The following SLC9A7 variants were observed in gnomAD, a reference collection of about 807,000 sequenced individuals.
The protein encoded by SLC9A7 is sodium/hydrogen exchanger 7.
SLC9A7 carries 19 observed loss-of-function variants against 52.6 expected under a neutral mutation model. The ratio of observed to expected loss-of-function variants is 0.36; its 90% confidence interval spans 0.25 to 0.53. SLC9A7 has a LOEUF of 0.53. Among genes scored for constraint, SLC9A7 ranks in the 20% least tolerant of loss-of-function variants. The pLI is 0.91. For missense variants in SLC9A7, 455 were observed against 597.9 expected (o/e 0.76, Z 2.49); for synonymous variants, 226 against 252.1 (o/e 0.90, Z 0.98).
Position 46,695,171 on chromosome X carries a change from CAT to C in SLC9A7, c.326-12638_326-12637del, listed in dbSNP as rs779573527. On this transcript the variant is annotated intron_variant, in intron 1 of 16. Coordinates refer to ENST00000616978, the MANE Select transcript of SLC9A7 (RefSeq NM_001257291.2). The stretch of plus-strand genomic sequence containing the variant: ...TACCAAAAATCACTGAAATTGTATA[CAT>C]GAGTGCATTTTATGATATGTAAATT... Among the ~76,000 whole-genome samples, 228 of 112,393 alleles carry C rather than the reference CAT, an allele frequency of 2.0e-3. 1 individual carries two copies. Among genetic ancestry groups the C allele is most frequent in the African/African-American group, 7.0e-3 (218 of 30,989 alleles).
chrX:46,619,634 C>T (rs1943009585), intron 15 of SLC9A7, among the ~76,000 whole-genome samples: 1 of 110,586 alleles, frequency 9.0e-6, no homozygotes. Flanking sequence ...ACAGGTAAAA[C>T]TATTAAGTGT....
chrX:46,740,591 T>C (rs971210654), intron 1 of SLC9A7, among the ~76,000 whole-genome samples: 1 of 111,346 alleles, frequency 9.0e-6, no homozygotes, highest in Non-Finnish European at 1.9e-5. Context: ...ATATATACAT[T>C]GTATATGTAT....
At chrX:46,684,183 A>G (rs1007617383) in intron 1 of SLC9A7, among the ~76,000 whole-genome samples, 1 of 112,120 alleles carries the variant, frequency 8.9e-6, no homozygotes, top group African/African-American at 3.2e-5. Context: ...AAAGGCATAT[A>G]AGAAAAACCA....
intron 15 of SLC9A7, among the ~76,000 whole-genome samples, chrX:46,618,165 A>G (rs1170950683): frequency 9.0e-6 from 1 of 111,128 alleles, no homozygotes; most frequent in Admixed American, 9.6e-5. Context: ...ACAAAGATAG[A>G]GTGAACCTGA....
chrX:46,675,782 A>G (rs188571299), intron 3 of SLC9A7, among the ~76,000 whole-genome samples: 47 of 112,753 alleles, frequency 4.2e-4, no homozygotes, highest in African/African-American at 1.3e-3. Context: ...AGAGGCCAAG[A>G]AGAATCTGAA....
At chrX:46,733,156 T>C (rs1945069804) in intron 1 of SLC9A7, among the ~76,000 whole-genome samples, 1 of 112,211 alleles carries the variant, frequency 8.9e-6, no homozygotes, top group Non-Finnish European at 1.9e-5. Flanking sequence ...CCCTTTTAAA[T>C]TTGCTTTTAT....
rs923243383 is a variant in SLC9A7 at position 46,601,609 on chromosome X, C to T, written c.*5343G>A. ...GTTTGCTTGATGAAACATTTGATGT[C>T]GCAGTGTGATTTCTGCCTTCCAGGC... is the stretch of plus-strand genomic sequence containing the variant. On this transcript the variant is annotated 3_prime_UTR_variant, in exon 17 of 17. Transcript: ENST00000616978. 4 of 112,755 alleles carry T rather than the reference C, an allele frequency of 3.5e-5. No homozygotes were observed. Among genetic ancestry groups the T allele is most frequent in the South Asian group, 3.6e-4 (1 of 2,776 alleles). 9.3% of individuals were successfully genotyped at this position (112,755 alleles called of 1,213,427 possible). A position where few individuals can be genotyped will look rare whatever the true frequency, so the allele number is the denominator to read the frequency against.
chrX:46,606,174 A>C lies in SLC9A7; in HGVS notation c.*778T>G, dbSNP rs1942740757. 39 of 707,090 alleles carry C rather than the reference A, an allele frequency of 5.5e-5. No homozygotes were observed. Among genetic ancestry groups the C allele is most frequent in the Non-Finnish European group, 6.5e-5 (39 of 597,911 alleles). The allele number at this position is 707,090 out of a possible 1,213,427, so 58.3% of individuals were successfully genotyped here. On this transcript the variant is annotated 3_prime_UTR_variant, in exon 17 of 17. Transcript: ENST00000616978. ...CATCTCAACAAAAAAAAAAAGTTGA[A>C]TGCTTTTTGCAGTGATACCATCATC...
chrX:46,650,824 T>C (rs1943567950), intron 10 of SLC9A7, among the ~76,000 whole-genome samples: 1 of 111,591 alleles, frequency 9.0e-6, no homozygotes, highest in Admixed American at 9.5e-5. Flanking sequence ...CCATCTTACA[T>C]AGAAAAGGCA....
chrX:46,716,630 T>G (rs2146947636), intron 1 of SLC9A7, among the ~76,000 whole-genome samples: 1 of 111,869 alleles, frequency 8.9e-6, no homozygotes, highest in South Asian at 3.7e-4. Context: ...ATCATAAATG[T>G]ACTGACTCTT....
In SLC9A7 at chrX:46,613,347, G is replaced by A. The variant is rs1342606797; in HGVS notation, c.1871C>T (p.Thr624Met). 9 of 1,207,197 alleles carry A rather than the reference G, an allele frequency of 7.5e-6. No homozygotes were observed. The highest frequency in any genetic ancestry group is 4.4e-5 in the Admixed American group (2 of 45,615). Residue 624 changes from threonine (T) to methionine (M), a missense_variant, in exon 16 of 17, where the codon ACG becomes ATG. Transcript: ENST00000616978. ...TAGTAAGCCACACCAGGCGGGGAGC[G>A]TGGTGGTTAGTGGGGGACCACTGTG... ...LTHSGPPLTT[T>M]LPAWCGLLAR...
Position 46,648,122 on chromosome X carries a change from G to GA in SLC9A7, c.1462+563dup, listed in dbSNP as rs753321800. On this transcript the variant is annotated intron_variant, in intron 11 of 16. Coordinates refer to ENST00000616978, the MANE Select transcript of SLC9A7 (RefSeq NM_001257291.2). ...ACAGGGAAAAGGGGGGCATGTGGGAGACAGTGTCAATTAAGCAGGATGATC... is the reference window on the plus strand; with the variant it reads ...ACAGGGAAAAGGGGGGCATGTGGGAGAACAGTGTCAATTAAGCAGGATGATC... Among the ~76,000 whole-genome samples, 462 of 112,592 alleles carry GA rather than the reference G, an allele frequency of 4.1e-3. 2 individuals are homozygous for GA. The highest frequency in any genetic ancestry group is 9.1e-3 in the Middle Eastern group (2 of 219).
At chrX:46,653,148 G>A (rs1437516247) in intron 8 of SLC9A7, among the ~76,000 whole-genome samples, 6 of 111,880 alleles carry the variant, frequency 5.4e-5, no homozygotes, top group African/African-American at 2.0e-4. Flanking sequence ...TAATCCCAGT[G>A]CTTTGAGAGG....
intron 5 of SLC9A7, among the ~76,000 whole-genome samples, chrX:46,664,425 G>T (rs1943883793): frequency 8.9e-6 from 1 of 111,825 alleles, no homozygotes; most frequent in Non-Finnish European, 1.9e-5. Context: ...TTTAAGCAGG[G>T]ATTAGCCAGG....
At chrX:46,732,292 C>T (rs1202964841) in intron 1 of SLC9A7, among the ~76,000 whole-genome samples, 1 of 110,743 alleles carries the variant, frequency 9.0e-6, no homozygotes, top group Non-Finnish European at 1.9e-5. Flanking sequence ...TGGCTCATGC[C>T]TGTAATCCCA....
At chrX:46,725,060 C>A in intron 1 of SLC9A7, 1 of 477,656 alleles carries the variant, frequency 2.1e-6, no homozygotes. Context: ...AGGAAAGAAA[C>A]GTAAATCTGT....
chrX:46,625,713 C>CAAAAA (rs756504189), intron 14 of SLC9A7, among the ~76,000 whole-genome samples: 1 of 45,101 alleles, frequency 2.2e-5, no homozygotes, highest in Non-Finnish European at 3.9e-5. Context: ...GTCTCTCTCT[C>CAAAAA]AAAAAAAAAA....
intron 1 of SLC9A7, among the ~76,000 whole-genome samples, chrX:46,729,500 G>A (rs372047170): frequency 1.1e-4 from 12 of 111,839 alleles, no homozygotes; most frequent in Non-Finnish European, 2.3e-4. Context: ...CTGGCTGGGC[G>A]TGGTGGCTCA....
rs760481790 is a variant in SLC9A7 at position 46,651,422 on chromosome X, CA to C, written c.1148-19del. The C allele has an allele frequency of 3.8e-5, 43 of 1,117,202 alleles. No individual in the cohort carries two copies. Among genetic ancestry groups the C allele is most frequent in the African/African-American group, 5.6e-5 (3 of 53,196 alleles). The allele number at this position is 1,117,202 out of a possible 1,213,427, so 92.1% of individuals were successfully genotyped here. On this transcript the variant is annotated intron_variant, in intron 8 of 16. Transcript: ENST00000616978. ...TACAACACCTGTTAAAACATCCCCC[CA>C]AAAAAAATCAATGGAAAAAAAAGAG...
Sources: allele counts gnomAD v4.1 joint callset (sites outside exome capture counted in the v4.1 genomes callset), GRCh38; gene constraint gnomAD v4.1.1; transcripts MANE v1.5; gene names NCBI Gene and HGNC (gene_info 2026-07-23, HGNC 2026-07-21).